MSR1: variants seen among roughly 807,000 people sequenced by gnomAD.
The protein encoded by MSR1 is macrophage scavenger receptor 1, also known as macrophage scavenger receptor types I and II.
MSR1 carries 53 observed loss-of-function variants against 47.2 expected under a neutral mutation model. The observed-to-expected ratio is 1.12, with a 90% CI of 0.90 to 1.41. MSR1 has a LOEUF of 1.41. Among genes scored for constraint, MSR1 ranks in the 40% most tolerant of loss-of-function variants. MSR1 has a pLI of 0.00. For missense variants in MSR1, 786 were observed against 546.9 expected (o/e 1.44, Z -4.36); for synonymous variants, 239 against 185.6 (o/e 1.29, Z -2.34).
intron 9 of MSR1, among the ~76,000 whole-genome samples, chr8:16,115,966 T>G (rs932014490): frequency 1.2e-4 from 18 of 152,174 alleles, no homozygotes; most frequent in African/African-American, 3.9e-4. Flanking sequence ...CCAGCCTAGG[T>G]GACAGAGTAA....
chr8:16,159,723 G>C (rs1246458299), intron 5 of MSR1, among the ~76,000 whole-genome samples: 1 of 151,898 alleles, frequency 6.6e-6, no homozygotes, highest in African/African-American at 2.4e-5. Context: ...GAGAATATGA[G>C]ATACTTTTAT....
intron 7 of MSR1, among the ~76,000 whole-genome samples, chr8:16,147,832 C>G (rs1392670694): frequency 6.6e-6 from 1 of 152,044 alleles, no homozygotes; most frequent in African/African-American, 2.4e-5. Context: ...CGTTGTTTTT[C>G]TTTGTGCGTG....
chr8:16,154,467 C>T (rs1484782526), intron 6 of MSR1, among the ~76,000 whole-genome samples: 1 of 151,920 alleles, frequency 6.6e-6, no homozygotes, highest in African/African-American at 2.4e-5. Flanking sequence ...AACAGTTTTG[C>T]TCTTAGTAAA....
intron 8 of MSR1, among the ~76,000 whole-genome samples, chr8:16,142,484 G>T (rs1225689712): frequency 6.6e-6 from 1 of 152,120 alleles, no homozygotes; most frequent in East Asian, 1.9e-4. Context: ...TAACACTAAA[G>T]TACTCCGAAG....
At chr8:16,147,763 C>A (rs985136143) in intron 7 of MSR1, among the ~76,000 whole-genome samples, 1 of 152,142 alleles carries the variant, frequency 6.6e-6, no homozygotes, top group Non-Finnish European at 1.5e-5. Flanking sequence ...AGATTGGTGT[C>A]TTTTAATAAG....
intron 6 of MSR1, among the ~76,000 whole-genome samples, chr8:16,153,473 T>C (rs1800916395): frequency 6.6e-6 from 1 of 152,004 alleles, no homozygotes; most frequent in South Asian, 2.1e-4. Context: ...TAATGCCTAT[T>C]TGTGTAAATG....
intron 1 of MSR1, among the ~76,000 whole-genome samples, chr8:16,187,364 C>CAAAA (rs751848634): frequency 0.019 from 677 of 35,298 alleles, 18 homozygotes; most frequent in African/African-American, 0.074. Flanking sequence ...ACTCTGTCTC[C>CAAAA]AAAAAAAAAA....
At chr8:16,179,294 C>A (rs1801754513) in intron 1 of MSR1, among the ~76,000 whole-genome samples, 1 of 152,116 alleles carries the variant, frequency 6.6e-6, no homozygotes, top group Non-Finnish European at 1.5e-5. Context: ...TTTTAATTTG[C>A]CTCTATCTGA....
chr8:16,162,244 A>C (rs73665241), intron 5 of MSR1, among the ~76,000 whole-genome samples: 1 of 152,030 alleles, frequency 6.6e-6, no homozygotes, highest in Non-Finnish European at 1.5e-5. Context: ...CAATTTTTTC[A>C]GCACACTGAT....
chr8:16,115,122 T>G (rs1332357135), intron 9 of MSR1, among the ~76,000 whole-genome samples: 1 of 152,104 alleles, frequency 6.6e-6, no homozygotes, highest in South Asian at 2.1e-4. Flanking sequence ...GAGGTTGCGG[T>G]GAGCCGAGAT....
intron 2 of MSR1, 120 bp from the exon 3 acceptor site, chr8:16,175,420 A>G: frequency 2.3e-6 from 2 of 877,690 alleles, no homozygotes; most frequent in Non-Finnish European, 3.6e-6. Context: ...AAAAGAAGAA[A>G]AAATGTTCCA....
intron 1 of MSR1, among the ~76,000 whole-genome samples, chr8:16,189,679 T>TTATTTTATATA (rs1446959061): frequency 1.1e-4 from 8 of 69,696 alleles, no homozygotes; most frequent in Non-Finnish European, 2.1e-4. Flanking sequence ...ATATAAAATC[T>TTATTTTATATA]TATTTTATAT....
Position 16,175,320 on chromosome 8 carries a change from CAGCCT to C in MSR1, c.104-25_104-21del. ...TAGGATCTAATAAAACAAAAAAGCC[CAGCCT>C]ACTGTTAGAAAGTGTTGTCTTCTTC... On this transcript the variant is annotated intron_variant, in intron 2 of 9. Transcript: ENST00000262101. The C allele has an allele frequency of 3.8e-6, 6 of 1,578,666 alleles. No individual in the cohort carries two copies. The highest frequency in any genetic ancestry group is 5.2e-6 in the Non-Finnish European group (6 of 1,147,796).
In MSR1 at chr8:16,110,220, T is replaced by C; in HGVS notation, c.1223-2A>G. The C allele has an allele frequency of 6.2e-7, 1 of 1,613,282 alleles. No homozygotes were observed. Among genetic ancestry groups the C allele is most frequent in the Non-Finnish European group, 8.5e-7 (1 of 1,179,476 alleles). On this transcript the variant is annotated splice_acceptor_variant, in intron 9 of 9. Coordinates refer to ENST00000262101, the MANE Select transcript of MSR1 (RefSeq NM_138715.3). LOFTEE classifies it high-confidence loss of function. ...CATTCAGCCATATTGGACCAGTACCTGCAATAATGAGGTATAACTGCATTA... is the reference window on the plus strand; with the variant it reads ...CATTCAGCCATATTGGACCAGTACCCGCAATAATGAGGTATAACTGCATTA...
intron 1 of MSR1, among the ~76,000 whole-genome samples, chr8:16,187,604 G>C (rs1438899866): frequency 6.6e-6 from 1 of 152,014 alleles, no homozygotes; most frequent in Non-Finnish European, 1.5e-5. Context: ...TCAGGGATCA[G>C]AGAGTTCCTG....
chr8:16,139,169 A>C, intron 8 of MSR1: 1 of 643,932 alleles, frequency 1.6e-6, no homozygotes, highest in East Asian at 1.4e-4. Flanking sequence ...CTTTTTCTCG[A>C]GCATCTCTCT....
At chr8:16,142,436 G>A (rs1800584001) in intron 8 of MSR1, among the ~76,000 whole-genome samples, 1 of 152,030 alleles carries the variant, frequency 6.6e-6, no homozygotes, top group Non-Finnish European at 1.5e-5. Flanking sequence ...ACAGATTAAT[G>A]TTTCTATTGT....
At chr8:16,115,316 T>C (rs1408382173) in intron 9 of MSR1, among the ~76,000 whole-genome samples, 1 of 152,238 alleles carries the variant, frequency 6.6e-6, no homozygotes, top group Non-Finnish European at 1.5e-5. Context: ...TCTTTACTCA[T>C]CCACTCATTT....
At chr8:16,114,770 A>G (rs74914047) in intron 9 of MSR1, among the ~76,000 whole-genome samples, 6,754 of 152,296 alleles carry the variant, frequency 0.044, 232 homozygotes, top group Middle Eastern at 0.095. Flanking sequence ...CTTAAAACTA[A>G]GGATTCTATC....
Sources: allele counts gnomAD v4.1 joint callset (sites outside exome capture counted in the v4.1 genomes callset), GRCh38; gene constraint gnomAD v4.1.1; transcripts MANE v1.5; gene names NCBI Gene and HGNC (gene_info 2026-07-23, HGNC 2026-07-21).